Variants in ZBTB44 observed in about 807,000 individuals in gnomAD.
ZBTB44 encodes the protein zinc finger and BTB domain containing 44, also known as zinc finger and BTB domain-containing protein 44.
In ZBTB44, 15 loss-of-function variants were observed where a neutral mutation model predicts 54.0. That is an observed-to-expected ratio of 0.28 (90% CI 0.19 to 0.43). The LOEUF is 0.43. ZBTB44 is among the 20% of genes least tolerant of loss of function. The pLI is 1.00. For synonymous variants in ZBTB44, 230 were observed against 250.1 expected, an observed-to-expected ratio of 0.92 and a Z score of 0.76; for missense variants, 487 against 707.1, an observed-to-expected ratio of 0.69 and a Z score of 3.53.
Position 130,229,000 on chromosome 11 carries a change from G to A in ZBTB44, c.*2764C>T, listed in dbSNP as rs1329680462. 1 of 152,074 alleles carries A rather than the reference G, an allele frequency of 6.6e-6. No homozygotes were observed. Among genetic ancestry groups the A allele is most frequent in the African/African-American group, 2.4e-5 (1 of 41,406 alleles). The allele number at this position is 152,074 out of a possible 1,614,324, so 9.4% of individuals were successfully genotyped here. ...TTTAATCCGCAGTCCTTACTCTTAA[G>A]TTCTCTGTAAACTATTATGCACACA... On this transcript the variant is annotated 3_prime_UTR_variant, in exon 8 of 8. Transcript: ENST00000357899.
At chr11:130,255,993 CCAGA>C (rs1445390486) in intron 2 of ZBTB44, among the ~76,000 whole-genome samples, 9 of 151,512 alleles carry the variant, frequency 5.9e-5, no homozygotes, top group Admixed American at 4.6e-4. Context: ...GACAGATTCA[CCAGA>C]CAGATTCACA....
At chr11:130,254,858 A>C (rs1938307462) in intron 2 of ZBTB44, among the ~76,000 whole-genome samples, 1 of 152,188 alleles carries the variant, frequency 6.6e-6, no homozygotes, top group Non-Finnish European at 1.5e-5. Flanking sequence ...GATTAAGAAA[A>C]TGTGGCACAT....
At chr11:130,260,457 C>T (rs1391012783) in intron 2 of ZBTB44, among the ~76,000 whole-genome samples, 1 of 152,214 alleles carries the variant, frequency 6.6e-6, no homozygotes, top group African/African-American at 2.4e-5. Context: ...TAATCATTTA[C>T]TTTCATATCT....
chr11:130,308,553 AATAAG>A (rs1942404239), intron 1 of ZBTB44, among the ~76,000 whole-genome samples: 1 of 152,232 alleles, frequency 6.6e-6, no homozygotes, highest in Admixed American at 6.5e-5. Context: ...GTGAGATTTA[AATAAG>A]ATAATGTATA....
At chr11:130,285,832 C>T (rs180860381) in intron 1 of ZBTB44, 4 of 162,338 alleles carry the variant, frequency 2.5e-5, no homozygotes, top group East Asian at 3.2e-4. Flanking sequence ...GAGACCAACC[C>T]GTGCTGTCCA....
chr11:130,254,063 T>A (rs2136380230), intron 2 of ZBTB44, among the ~76,000 whole-genome samples: 1 of 152,260 alleles, frequency 6.6e-6, no homozygotes, highest in South Asian at 2.1e-4. Context: ...ATACAAAAAT[T>A]AATTCAAGAT....
At chr11:130,300,900 G>A (rs1045850001) in intron 1 of ZBTB44, among the ~76,000 whole-genome samples, 1 of 152,134 alleles carries the variant, frequency 6.6e-6, no homozygotes, top group African/African-American at 2.4e-5. Context: ...GGGGTTAGCT[G>A]GACAAAAGTA....
rs138414288 is a variant in ZBTB44 at position 130,257,210 on chromosome 11, G to A, written c.1018+3646C>T. ...AATAAAATACCCAAAAACACAACTT[G>A]CATGTTCAGCACATGCATCCCAGAT... On this transcript the variant is annotated intron_variant, in intron 2 of 7. Coordinates refer to ENST00000357899, the MANE Select transcript of ZBTB44 (RefSeq NM_001301098.2). 2.5e-3 allele frequency among the ~76,000 whole-genome samples: 346 copies of A among 139,796 alleles called. 4 individuals carry two copies. The East Asian group carries it at 0.028, about 11-fold the overall frequency. 91.7% of individuals were successfully genotyped at this position (139,796 alleles called of 152,430 possible).
At chr11:130,278,051 C>CTGTATGTTTAAATTGCT (rs1940235969) in intron 1 of ZBTB44, among the ~76,000 whole-genome samples, 2 of 152,048 alleles carry the variant, frequency 1.3e-5, no homozygotes, top group African/African-American at 2.4e-5. Flanking sequence ...AAACTTTTAG[C>CTGTATGTTTAAATTGCT]GTTTTTACTG....
chr11:130,295,630 T>TAA (rs34581431), intron 1 of ZBTB44: 8,157 of 758,276 alleles, frequency 0.011, 3 homozygotes, highest in Non-Finnish European at 0.012. Context: ...ACTCTGAAGT[T>TAA]AAAAAAAAAA....
rs571668213 is a variant in ZBTB44 at position 130,261,079 on chromosome 11, T to C, written c.795A>G (p.Arg265=). The change falls in exon 2 of 8, where the codon AGA becomes AGG. Residue 265 remains arginine, a synonymous_variant. Transcript: ENST00000357899. The surrounding 1 kb of genome is among the most constrained non-coding windows in gnomAD (Gnocchi z 4.8). ...TCTCACAAGTCACATAATCAGCCAT[T>C]CTTCTACCGGTCTCAGATGGGCCAG... The part of the protein sequence containing the change: ...ELPGPSETGR[R]MADYVTCEST... The C allele has an allele frequency of 5.8e-5, 93 of 1,614,028 alleles. No individual in the cohort carries two copies. The highest frequency in any genetic ancestry group is 7.4e-5 in the Non-Finnish European group (87 of 1,179,904).
chr11:130,307,638 A>G (rs181666405), intron 1 of ZBTB44, among the ~76,000 whole-genome samples: 1 of 152,230 alleles, frequency 6.6e-6, no homozygotes, highest in East Asian at 1.9e-4. Context: ...GACCACAAAT[A>G]CCACAACCGT....
chr11:130,296,568 A>G (rs1717439988), intron 1 of ZBTB44: 1 of 935,114 alleles, frequency 1.1e-6, no homozygotes, highest in African/African-American at 1.6e-5. Context: ...GACCCTAAGG[A>G]ATATATTCAT....
intron 1 of ZBTB44, among the ~76,000 whole-genome samples, chr11:130,309,305 T>C (rs1942452207): frequency 6.6e-6 from 1 of 152,238 alleles, no homozygotes; most frequent in South Asian, 2.1e-4. Flanking sequence ...CAGCCTCAGC[T>C]AGTGTGACCT....
At position 130,239,842 on chromosome 11, in the gene ZBTB44, C is replaced by G. The variant is rs751066977; in HGVS notation, c.1073G>C (p.Ser358Thr). 1.9e-5 allele frequency: 30 copies of G among 1,612,476 alleles called. No homozygotes were observed. Among genetic ancestry groups the G allele is most frequent in the Non-Finnish European group, 2.5e-5 (30 of 1,179,082 alleles). ...ATCATCATCCGGAGGAGCATTAGTGCTAGACGTGCTTTGAAGTGTAGGCAA... is the reference window on the plus strand; with the variant it reads ...ATCATCATCCGGAGGAGCATTAGTGGTAGACGTGCTTTGAAGTGTAGGCAA... ...EGLPTLQSTS[S>T]TNAPPDDDDR... Residue 358 changes from serine to threonine, a missense_variant, in exon 3 of 8, where the codon AGC (serine) becomes ACC (threonine). Ser to Thr is a moderately conservative substitution (Grantham distance 58, BLOSUM62 1). Coordinates refer to ENST00000357899, the MANE Select transcript of ZBTB44 (RefSeq NM_001301098.2).
intron 1 of ZBTB44, among the ~76,000 whole-genome samples, chr11:130,294,668 A>G (rs1941528456): frequency 6.6e-6 from 1 of 152,030 alleles, no homozygotes; most frequent in African/African-American, 2.4e-5. Context: ...AATTTTTGCA[A>G]TCAGACCTTA....
chr11:130,286,792 T>C (rs534743271), intron 1 of ZBTB44, among the ~76,000 whole-genome samples: 5 of 152,342 alleles, frequency 3.3e-5, no homozygotes, highest in African/African-American at 9.6e-5. Flanking sequence ...TATATGACTG[T>C]AGTGGCTGGA....
intron 1 of ZBTB44, among the ~76,000 whole-genome samples, chr11:130,309,080 G>T (rs937239124): frequency 6.6e-6 from 1 of 152,136 alleles, no homozygotes; most frequent in Admixed American, 6.5e-5. Context: ...TGCAACCTTG[G>T]CCTTATCAGT....
At chr11:130,278,126 T>C (rs1310933973) in intron 1 of ZBTB44, among the ~76,000 whole-genome samples, 1 of 152,218 alleles carries the variant, frequency 6.6e-6, no homozygotes, top group Non-Finnish European at 1.5e-5. Context: ...CTCCAATGTA[T>C]GGAATTATAT....
Sources: allele counts gnomAD v4.1 joint callset (sites outside exome capture counted in the v4.1 genomes callset), GRCh38; gene constraint gnomAD v4.1.1; non-coding constraint Gnocchi (gnomAD v3.1); transcripts MANE v1.5; gene names NCBI Gene and HGNC (gene_info 2026-07-23, HGNC 2026-07-21).